The following MBNL3 variants were observed in gnomAD, a reference collection of about 807,000 sequenced individuals.
MBNL3 encodes the protein muscleblind-like protein 3.
Under a neutral mutation model 24.5 loss-of-function variants are expected in MBNL3, and 6 were observed. The ratio of observed to expected loss-of-function variants is 0.25; its 90% CI spans 0.13 to 0.48. MBNL3 has a LOEUF of 0.48. Ranked by LOEUF, MBNL3 falls within the 20% of genes least tolerant of loss-of-function variation. MBNL3 has a pLI of 0.99. For synonymous variants in MBNL3, 100 were observed against 101.7 expected, an observed-to-expected ratio of 0.98 and a Z score of 0.10; for missense variants, 230 against 293.5, an observed-to-expected ratio of 0.78 and a Z score of 1.58.
intron 6 of MBNL3, among the ~76,000 whole-genome samples, chrX:132,385,356 A>G (rs1935810854): frequency 8.9e-6 from 1 of 111,737 alleles, no homozygotes; most frequent in African/African-American, 3.2e-5. Flanking sequence ...ATTATATTCA[A>G]CCACCTTGAC....
At chrX:132,477,764 G>T (rs1038783460) in intron 1 of MBNL3, among the ~76,000 whole-genome samples, 2 of 111,413 alleles carry the variant, frequency 1.8e-5, no homozygotes, top group African/African-American at 6.5e-5. Flanking sequence ...CCTACTACTA[G>T]GCTCAATACT....
At chrX:132,449,464 C>CTTTTTTT (rs751006249) in intron 1 of MBNL3, among the ~76,000 whole-genome samples, 34 of 29,781 alleles carry the variant, frequency 1.1e-3, no homozygotes, top group African/African-American at 2.5e-3. Context: ...GCAACCCCTG[C>CTTTTTTT]TTTTTTTTTT....
chrX:132,402,672 T>G (rs1377688496), intron 3 of MBNL3, among the ~76,000 whole-genome samples: 2 of 111,854 alleles, frequency 1.8e-5, no homozygotes, highest in African/African-American at 3.3e-5. Flanking sequence ...CTTTCAGAGA[T>G]GGACTTTTAT....
chrX:132,388,080 A>G (rs1936436656), intron 5 of MBNL3, among the ~76,000 whole-genome samples: 1 of 111,702 alleles, frequency 9.0e-6, no homozygotes, highest in Non-Finnish European at 1.9e-5. Context: ...TAACTATCCT[A>G]CCATGTGTCC....
chrX:132,489,227 C>G (rs887125463), upstream of MBNL3, among the ~76,000 whole-genome samples: 1 of 112,280 alleles, frequency 8.9e-6, no homozygotes, highest in Admixed American at 9.3e-5. Context: ...CCCCTTGACC[C>G]CTTCGTGCTT....
In MBNL3 at chrX:132,470,772, G is replaced by A. The variant is rs1019786617; in HGVS notation, c.-704+18079C>T. On this transcript the variant is annotated intron_variant, in intron 1 of 8. Coordinates refer to ENST00000370853, the MANE Select transcript of MBNL3 (RefSeq NM_001386889.1). ...GGAAGTGAATTGTAATGTCTGTCGC[G>A]TCTGGTGGTTCCAGATGTTTACTTC... Among the ~76,000 whole-genome samples, 4 of 111,518 alleles carry A rather than the reference G, an allele frequency of 3.6e-5. No individual in the cohort carries two copies. In the East Asian group the frequency reaches 1.1e-3, roughly 31 times the overall value.
intron 1 of MBNL3, among the ~76,000 whole-genome samples, chrX:132,442,265 C>T (rs1945425379): frequency 9.0e-6 from 1 of 111,720 alleles, no homozygotes; most frequent in Admixed American, 9.5e-5. Context: ...TGAATTACAT[C>T]CCAATAAAGC....
In MBNL3 at chrX:132,396,921, T is replaced by TAC. The variant is rs1309224826; in HGVS notation, c.343-4588_343-4587insGT. On this transcript the variant is annotated intron_variant, in intron 3 of 8. Transcript: ENST00000370853. ...ATTCATATATACATATATACATATA[T>TAC]ATTCATATATACATTCATATATATA... 4.3e-3 allele frequency among the ~76,000 whole-genome samples: 286 copies of TAC among 66,534 alleles called. 11 individuals carry two copies. The highest frequency in any genetic ancestry group is 0.017 in the African/African-American group (253 of 14,729). The allele number at this position is 66,534 out of a possible 115,157, so 57.8% of individuals were successfully genotyped here.
intron 1 of MBNL3, among the ~76,000 whole-genome samples, chrX:132,447,714 CCT>C (rs1235398385): frequency 8.9e-6 from 1 of 111,962 alleles, no homozygotes; most frequent in African/African-American, 3.3e-5. Flanking sequence ...AATTTAACTT[CCT>C]CTCTTCCTAT....
intron 1 of MBNL3, among the ~76,000 whole-genome samples, chrX:132,457,118 C>G (rs1946410853): frequency 9.0e-6 from 1 of 111,658 alleles, no homozygotes; most frequent in Admixed American, 9.6e-5. Context: ...TTGTCAGTAC[C>G]TTCACAAATT....
rs1164520430 is a variant in MBNL3, at chrX:132,376,562, A to G, written c.*3104T>C. 1 of 111,481 alleles carries G rather than the reference A, an allele frequency of 9.0e-6. No individual in the cohort carries two copies. The highest frequency in any genetic ancestry group is 3.3e-5 in the African/African-American group (1 of 30,752). The allele number at this position is 111,481 out of a possible 1,213,427, so 9.2% of individuals were successfully genotyped here. ...GGACAAAAACAATAAATTTGGATAA[A>G]TAGAGGCCCCTGTAAAATACAAAGC... On this transcript the variant is annotated 3_prime_UTR_variant, in exon 9 of 9. Coordinates refer to ENST00000370853, the MANE Select transcript of MBNL3 (RefSeq NM_001386889.1).
rs939877116 is a variant in MBNL3 at position 132,370,594 on chromosome X, A to C, written c.*9072T>G. 1 of 111,881 alleles carries C rather than the reference A, an allele frequency of 8.9e-6. No homozygotes were observed. Among genetic ancestry groups the C allele is most frequent in the Non-Finnish European group, 1.9e-5 (1 of 53,186 alleles). The allele number at this position is 111,881 out of a possible 1,213,427, so 9.2% of individuals were successfully genotyped here. ...CCCATTGGAAAGTCATGCCTTTTTA[A>C]ATGTGAACACTTCCAGGACAGGCAG... On this transcript the variant is annotated 3_prime_UTR_variant, in exon 9 of 9. Coordinates refer to ENST00000370853, the MANE Select transcript of MBNL3 (RefSeq NM_001386889.1).
intron 1 of MBNL3, among the ~76,000 whole-genome samples, chrX:132,469,114 G>A (rs1201410862): frequency 2.7e-5 from 3 of 112,102 alleles, no homozygotes; most frequent in Non-Finnish European, 5.6e-5. Context: ...GAAGAATACC[G>A]TGGATGGGGT....
In MBNL3 at chrX:132,377,053, A is replaced by G. The variant is rs748183823; in HGVS notation, c.*2613T>C. ...ACTGTAGGTCTATTATCTATGGTTT[A>G]TGTATATCTTTGCCCAAAGTTGAAA... On this transcript the variant is annotated 3_prime_UTR_variant, in exon 9 of 9. Coordinates refer to ENST00000370853, the MANE Select transcript of MBNL3 (RefSeq NM_001386889.1). 5 of 111,905 alleles carry G rather than the reference A, an allele frequency of 4.5e-5. No homozygotes were observed. The highest frequency in any genetic ancestry group is 9.4e-5 in the Non-Finnish European group (5 of 53,060). 9.2% of individuals were successfully genotyped at this position (111,905 alleles called of 1,213,427 possible).
chrX:132,389,806 G>A (rs1395337729), intron 5 of MBNL3, among the ~76,000 whole-genome samples: 1 of 111,492 alleles, frequency 9.0e-6, no homozygotes, highest in Non-Finnish European at 1.9e-5. Context: ...ACACTGCAGT[G>A]TTACACAAAT....
At chrX:132,380,052 C>G (rs1000861044) in intron 8 of MBNL3, among the ~76,000 whole-genome samples, 1 of 112,476 alleles carries the variant, frequency 8.9e-6, no homozygotes, top group Admixed American at 9.4e-5. Context: ...ATTAAATACA[C>G]TTTCAACTTT....
At chrX:132,382,396 G>A (rs1484428307) in intron 7 of MBNL3, 124 bp from the exon 8 acceptor site, 6 of 462,218 alleles carry the variant, frequency 1.3e-5, no homozygotes, top group Admixed American at 5.9e-5. Flanking sequence ...TCATAACGAT[G>A]AATACATCAG....
intron 1 of MBNL3, among the ~76,000 whole-genome samples, chrX:132,471,518 TA>T (rs1254993589): frequency 1.8e-5 from 2 of 111,453 alleles, no homozygotes; most frequent in Non-Finnish European, 3.8e-5. Flanking sequence ...ACCCTGTCTA[TA>T]AAAAAAATTC....
At position 132,379,632 on chromosome X, in the gene MBNL3, A is replaced by C. The variant is rs1281410698; in HGVS notation, c.*34T>G. The C allele has an allele frequency of 1.7e-5, 20 of 1,189,695 alleles. No homozygotes were observed. Among genetic ancestry groups the C allele is most frequent in the Non-Finnish European group, 2.3e-5 (20 of 880,109 alleles). ...ATAGAAAGGCCATATGGAGGTTTCC[A>C]TGGAAAGATTCTGATACTCCATAAC... On this transcript the variant is annotated 3_prime_UTR_variant, in exon 9 of 9. Coordinates refer to ENST00000370853, the MANE Select transcript of MBNL3 (RefSeq NM_001386889.1).
Sources: gnomAD v4.1 joint callset for allele counts (sites outside exome capture counted in the v4.1 genomes callset) on GRCh38, gnomAD v4.1.1 for gene constraint, MANE v1.5 for transcripts, NCBI Gene and HGNC (gene_info 2026-07-23, HGNC 2026-07-21) for gene names.